Variants in LARS1 observed in about 807,000 individuals in gnomAD.
LARS1 encodes the protein leucyl-tRNA synthetase 1, also known as leucine--tRNA ligase, cytoplasmic.
Under a neutral mutation model 162.8 loss-of-function variants are expected in LARS1, and 100 were observed. The ratio of observed to expected loss-of-function variants is 0.61; its 90% CI spans 0.52 to 0.73. LARS1 has a LOEUF of 0.73. Ranked by LOEUF, LARS1 falls within the 30% of genes least tolerant of loss-of-function variation. LARS1 has a pLI of 0.00. For synonymous variants in LARS1, 457 were observed against 462.8 expected (o/e 0.99, Z 0.16); for missense variants, 1,258 against 1,408.9 (o/e 0.89, Z 1.71).
chr5:146,155,002 C>A (rs914788795), intron 10 of LARS1, among the ~76,000 whole-genome samples: 4 of 151,748 alleles, frequency 2.6e-5, no homozygotes, highest in Non-Finnish European at 2.9e-5. Context: ...CAGGCATGCA[C>A]CACCACGCCT....
rs1752859225 is a variant in LARS1, at chr5:146,143,074, T to G, written c.1888A>C (p.Met630Leu). The change falls in exon 20 of 32, where the codon ATG becomes CTG. Residue 630 changes from methionine (M) to leucine (L), a missense_variant. Coordinates refer to ENST00000394434, the MANE Select transcript of LARS1 (RefSeq NM_020117.11). Reference protein sequence around the residue: ...ESPLGIRPQQMTKEVWDYVFF... With the variant: ...ESPLGIRPQQLTKEVWDYVFF... ...ACATAATCCCAAACTTCCTTGGTCA[T>G]CTGTTGCGGTCTGTATTAAAAATAA... 1 of 1,605,884 alleles carries G rather than the reference T, an allele frequency of 6.2e-7. No individual in the cohort carries two copies. Among genetic ancestry groups the G allele is most frequent in the South Asian group, 1.1e-5 (1 of 90,336 alleles).
At chr5:146,143,177 CTCTT>C (rs1204612390) in intron 19 of LARS1, 93 bp from the exon 20 acceptor site, 4 of 824,120 alleles carry the variant, frequency 4.9e-6, no homozygotes, top group African/African-American at 3.4e-5. Context: ...GATTAGGAAT[CTCTT>C]TCTTAATGTA....
rs773535684 is a variant in LARS1, at chr5:146,144,259, T to C, written c.1738+8A>G. The C allele has an allele frequency of 1.3e-6, 2 of 1,589,916 alleles. No individual in the cohort carries two copies. Among genetic ancestry groups the C allele is most frequent in the Non-Finnish European group, 1.7e-6 (2 of 1,172,698 alleles). On this transcript the variant is annotated splice_region_variant and intron_variant, in intron 18 of 31. Transcript: ENST00000394434. The stretch of plus-strand genomic sequence containing the variant: ...TTATCCAAACAGAAAAATTTCAAGT[T>C]TGTTTACCTAGACCATAAGTTCTTG...
At chr5:146,154,308 T>G (rs953731230) in intron 10 of LARS1, among the ~76,000 whole-genome samples, 6 of 152,184 alleles carry the variant, frequency 3.9e-5, no homozygotes, top group South Asian at 4.1e-4. Flanking sequence ...GCCTCCCAAG[T>G]AGCTGGCTCT....
intron 21 of LARS1, among the ~76,000 whole-genome samples, chr5:146,137,434 C>G: frequency 6.6e-6 from 1 of 151,982 alleles, no homozygotes; most frequent in South Asian, 2.1e-4. Flanking sequence ...TTTGCATAAC[C>G]TCCTACTGAG....
intron 21 of LARS1, among the ~76,000 whole-genome samples, chr5:146,136,861 T>C (rs537004899): frequency 6.6e-6 from 1 of 152,346 alleles, no homozygotes; most frequent in South Asian, 2.1e-4. Context: ...TAATGCAATT[T>C]ACATCAGCTG....
intron 31 of LARS1, among the ~76,000 whole-genome samples, chr5:146,114,943 C>G (rs1159052964): frequency 6.7e-6 from 1 of 150,176 alleles, no homozygotes; most frequent in Non-Finnish European, 1.5e-5. Flanking sequence ...AGTAGGGAGG[C>G]TGAGGCAGTG....
intron 1 of LARS1, among the ~76,000 whole-genome samples, chr5:146,179,852 C>T (rs964808742): frequency 2.0e-5 from 3 of 152,224 alleles, no homozygotes; most frequent in African/African-American, 7.2e-5. Flanking sequence ...ATCCACCAGC[C>T]TTGGCTTTCC....
intron 10 of LARS1, among the ~76,000 whole-genome samples, chr5:146,157,037 T>C (rs536440442): frequency 1.6e-4 from 25 of 152,220 alleles, no homozygotes; most frequent in Non-Finnish European, 2.6e-4. Context: ...ACAAACATAA[T>C]GTTAAGCAAA....
intron 5 of LARS1, among the ~76,000 whole-genome samples, 195 bp downstream of exon 5, chr5:146,167,933 C>T (rs1259042795): frequency 1.3e-5 from 2 of 152,208 alleles, no homozygotes; most frequent in Non-Finnish European, 1.5e-5. Context: ...ATCTGCCTGC[C>T]TCGGCCTCCC....
chr5:146,142,070 G>A (rs1490518862), intron 20 of LARS1, among the ~76,000 whole-genome samples: 1 of 152,120 alleles, frequency 6.6e-6, no homozygotes, highest in African/African-American at 2.4e-5. Flanking sequence ...TGAGGCAGGA[G>A]AATCGCTTGA....
chr5:146,127,359 A>C (rs1301382901), intron 27 of LARS1, among the ~76,000 whole-genome samples: 1 of 152,150 alleles, frequency 6.6e-6, no homozygotes, highest in African/African-American at 2.4e-5. Flanking sequence ...TTATGTCACC[A>C]AAATGGTGCC....
chr5:146,152,204 T>G (rs1753324678), intron 13 of LARS1, among the ~76,000 whole-genome samples: 1 of 152,138 alleles, frequency 6.6e-6, no homozygotes, highest in Non-Finnish European at 1.5e-5. Context: ...GAACCACCCA[T>G]ACTCTGTGTA....
rs774502576 is a variant in LARS1, at chr5:146,114,222, T to C, written c.3415A>G (p.Thr1139Ala). ...PVLGKEYTEK[T>A]PISEHAVFNV... The stretch of plus-strand genomic sequence containing the variant: ...AAAACAGCATGCTCAGAAATGGGGG[T>C]CTTCTCGGTGTACTCCTTTCCCAGG... Residue 1139 changes from threonine to alanine, a missense_variant, in exon 32 of 32, where the codon ACC becomes GCC. Transcript: ENST00000394434. 2 of 1,613,688 alleles carry C rather than the reference T, an allele frequency of 1.2e-6. No individual in the cohort carries two copies. Among genetic ancestry groups the C allele is most frequent in the Non-Finnish European group, 1.7e-6 (2 of 1,179,896 alleles).
At chr5:146,163,645 C>G (rs1483893985) in intron 6 of LARS1, among the ~76,000 whole-genome samples, 1 of 152,156 alleles carries the variant, frequency 6.6e-6, no homozygotes, top group Non-Finnish European at 1.5e-5. Flanking sequence ...GAGATCACAC[C>G]ACTGCACTCC....
chr5:146,133,257 C>T (rs1469368877), intron 22 of LARS1, among the ~76,000 whole-genome samples, 176 bp from the exon 23 acceptor site: 3 of 152,136 alleles, frequency 2.0e-5, no homozygotes, highest in Non-Finnish European at 2.9e-5. Flanking sequence ...CATCCCTAAC[C>T]GTGATGTTAA....
chr5:146,178,678 G>T (rs1481940894), intron 1 of LARS1, among the ~76,000 whole-genome samples: 1 of 151,950 alleles, frequency 6.6e-6, no homozygotes, highest in African/African-American at 2.4e-5. Flanking sequence ...ATTGTATAAG[G>T]TATTTTCTTT....
Position 146,122,587 on chromosome 5 carries a change from G to C in LARS1, c.3097C>G (p.Leu1033Val). Residue 1033 changes from leucine (L) to valine (V), a missense_variant and splice_region_variant, in exon 30 of 32, where the codon CTA (leucine) becomes GTA (valine). By Grantham distance (32) the Leu-to-Val change is conservative. Transcript: ENST00000394434. Reference protein sequence around the residue: ...NIVYLTNSLELEHIEVKFASE... With the variant: ...NIVYLTNSLEVEHIEVKFASE... Reference sequence around the variant, plus strand: ...GCAAACTTGACTTCTATGTGTTCTAGCTAAACAGACGGGAAAAAATGGAAG... The same window carrying C: ...GCAAACTTGACTTCTATGTGTTCTACCTAAACAGACGGGAAAAAATGGAAG... The C allele has an allele frequency of 6.3e-7, 1 of 1,582,670 alleles. No homozygotes were observed. Among genetic ancestry groups the C allele is most frequent in the Non-Finnish European group, 8.7e-7 (1 of 1,155,650 alleles).
At chr5:146,139,423 C>G (rs1156989364) in intron 21 of LARS1, among the ~76,000 whole-genome samples, 2 of 151,652 alleles carry the variant, frequency 1.3e-5, no homozygotes, top group Admixed American at 1.3e-4. Context: ...CTTTATGATT[C>G]CTGTCCCTGT....
Sources: gnomAD v4.1 joint callset for allele counts (sites outside exome capture counted in the v4.1 genomes callset) on GRCh38, gnomAD v4.1.1 for gene constraint, MANE v1.5 for transcripts, NCBI Gene and HGNC (gene_info 2026-07-23, HGNC 2026-07-21) for gene names.